ATRIP: variants seen among roughly 807,000 people sequenced by gnomAD.
The protein encoded by ATRIP is ATR interacting protein.
Under a neutral mutation model 78.1 loss-of-function variants are expected in ATRIP, and 44 were observed. The observed-to-expected ratio is 0.56, with a 90% CI of 0.44 to 0.72. The LOEUF is 0.72. Among genes scored for constraint, ATRIP ranks in the 30% least tolerant of loss-of-function variants. ATRIP has a pLI of 0.00. For missense variants in ATRIP, 927 were observed against 980.2 expected (o/e 0.95, Z 0.72); for synonymous variants, 388 against 408.9 (o/e 0.95, Z 0.62).
rs745842797 is a variant in ATRIP at position 48,460,708 on chromosome 3, G to T, written c.1654G>T (p.Ala552Ser). 1 of 1,613,956 alleles carries T rather than the reference G, an allele frequency of 6.2e-7. No individual in the cohort carries two copies. The highest frequency in any genetic ancestry group is 1.3e-5 in the African/African-American group (1 of 74,932). ...TCACCTGTTGGCTTTCTCTTCTGCA[G>T]CAACAGGTCACCTTCAAGCCAGTGT... ...LLHLLAFSSA[A>S]TGHLQASVLT... Residue 552 changes from alanine to serine, a missense_variant, in exon 8 of 13, where the codon GCA becomes TCA. Physicochemically the swap from Ala to Ser is moderately conservative, Grantham distance 99. Transcript: ENST00000320211.
chr3:48,463,048 G>C (rs1204707716), intron 8 of ATRIP, among the ~76,000 whole-genome samples: 1 of 152,212 alleles, frequency 6.6e-6, no homozygotes, highest in East Asian at 1.9e-4. Flanking sequence ...CACCTGGCCA[G>C]ACCCCATAGA....
chr3:48,466,441 C>T lies in ATRIP; in HGVS notation c.*887C>T, dbSNP rs777555754. The T allele has an allele frequency of 2.5e-6, 4 of 1,612,424 alleles. No homozygotes were observed. The South Asian group carries it at 3.3e-5, about 13-fold the overall frequency. ...AGACCCTCTCAGACAGTCGAATGTGCTGGTCCCACTAAGGAAACCACCTCA... is the reference window on the plus strand; with the variant it reads ...AGACCCTCTCAGACAGTCGAATGTGTTGGTCCCACTAAGGAAACCACCTCA... On this transcript the variant is annotated 3_prime_UTR_variant, in exon 13 of 13. Transcript: ENST00000320211.
chr3:48,464,085 C>T lies in ATRIP; in HGVS notation c.1927C>T (p.Pro643Ser). 6.2e-7 allele frequency: 1 copy of T among 1,613,866 alleles called. No individual in the cohort carries two copies. The highest frequency in any genetic ancestry group is 1.3e-5 in the African/African-American group (1 of 75,032). The change falls in exon 10 of 13, where the codon CCT (proline) becomes TCT (serine). Residue 643 changes from proline (P) to serine (S), a missense_variant. By Grantham distance (74) the Pro-to-Ser change is moderately conservative. Transcript: ENST00000320211. Reference sequence around the variant, plus strand: ...GCTGTACATGTACATCACATCACGGCCTGACAGAGTGGCCTTGGAGACACA... The same window carrying T: ...GCTGTACATGTACATCACATCACGGTCTGACAGAGTGGCCTTGGAGACACA... ...LLLYMYITSR[P>S]DRVALETQWL... is the part of the protein sequence containing the mutation.
At chr3:48,452,314 A>T (rs994709039) in intron 3 of ATRIP, among the ~76,000 whole-genome samples, 1 of 152,146 alleles carries the variant, frequency 6.6e-6, no homozygotes, top group Non-Finnish European at 1.5e-5. Flanking sequence ...CTATGCTATA[A>T]ACAGGCTCTA....
In ATRIP at chr3:48,466,881, GCCTGCAGC is replaced by G. The variant is rs1331920811; in HGVS notation, c.*1337_*1344del. The G allele has an allele frequency of 3.7e-6, 6 of 1,613,016 alleles. No homozygotes were observed. Among genetic ancestry groups the G allele is most frequent in the Non-Finnish European group, 5.1e-6 (6 of 1,180,024 alleles). ...CTCCCTGTGTGTGGCTCCGGGGAAG[GCCTGCAGC>G]CCTGCAGCCAGCGAGATCACAGGTC... On this transcript the variant is annotated 3_prime_UTR_variant, in exon 13 of 13. Transcript: ENST00000320211.
At chr3:48,451,120 T>C (rs1575275314) in intron 2 of ATRIP, among the ~76,000 whole-genome samples, 1 of 149,360 alleles carries the variant, frequency 6.7e-6, no homozygotes, top group Non-Finnish European at 1.5e-5. Context: ...ACCTGGGAGG[T>C]GAAGGTTGCA....
At chr3:48,457,780 C>T (rs1054620922) in intron 5 of ATRIP, among the ~76,000 whole-genome samples, 11 of 152,324 alleles carry the variant, frequency 7.2e-5, no homozygotes, top group African/African-American at 2.4e-4. Flanking sequence ...ATCCCCTCTG[C>T]CACATTGTAT....
chr3:48,450,668 C>T, intron 2 of ATRIP: 1 of 621,350 alleles, frequency 1.6e-6, no homozygotes, highest in Non-Finnish European at 2.4e-6. Context: ...CTCACTTCAA[C>T]CTCTGCCTCC....
At chr3:48,449,863 A>G (rs908205280) in intron 1 of ATRIP, among the ~76,000 whole-genome samples, 174 bp from the exon 2 acceptor site, 2 of 150,956 alleles carry the variant, frequency 1.3e-5, no homozygotes, top group Non-Finnish European at 3.0e-5. Flanking sequence ...ACTTGAACCC[A>G]GGAGGTCAAG....
intron 1 of ATRIP, among the ~76,000 whole-genome samples, chr3:48,448,152 G>A (rs966146041): frequency 4.1e-5 from 6 of 145,068 alleles, no homozygotes; most frequent in Non-Finnish European, 8.9e-5. Flanking sequence ...ACAGATATAC[G>A]TGAACACCCT....
chr3:48,465,764 C>A lies in ATRIP; in HGVS notation c.*210C>A. 1.8e-6 allele frequency: 1 copy of A among 543,444 alleles called. No homozygotes were observed. Among genetic ancestry groups the A allele is most frequent in the Non-Finnish European group, 3.3e-6 (1 of 301,128 alleles). The allele number at this position is 543,444 out of a possible 1,614,324, so 33.7% of individuals were successfully genotyped here. The stretch of plus-strand genomic sequence containing the variant: ...CTTCCTGTCCCTGGCTGTTGCTGAG[C>A]CCGTCCCCATGGTAACTGATCTGCC... On this transcript the variant is annotated 3_prime_UTR_variant, in exon 13 of 13. Transcript: ENST00000320211.
intron 1 of ATRIP, 35 bp downstream of exon 1, chr3:48,447,127 G>C: frequency 6.9e-7 from 1 of 1,456,510 alleles, no homozygotes; most frequent in Non-Finnish European, 9.1e-7. Flanking sequence ...CTCGGAGGGA[G>C]TTGTCAACCG....
chr3:48,466,061 C>T lies in ATRIP; in HGVS notation c.*507C>T. On this transcript the variant is annotated 3_prime_UTR_variant, in exon 13 of 13. Transcript: ENST00000320211. ...GGTATGATGGCCCCGGTGCATTGTG[C>T]CACCAGCAGGCCACAGCTGTGGATC... 1 of 339,830 alleles carries T rather than the reference C, an allele frequency of 2.9e-6. No homozygotes were observed. The highest frequency in any genetic ancestry group is 5.7e-6 in the Non-Finnish European group (1 of 175,546). The allele number at this position is 339,830 out of a possible 1,614,324, so 21.1% of individuals were successfully genotyped here.
At chr3:48,460,840 A>C in intron 8 of ATRIP, 41 bp downstream of exon 8, 6 of 1,532,496 alleles carry the variant, frequency 3.9e-6, no homozygotes, top group Non-Finnish European at 5.3e-6. Context: ...TGTGGGTCTC[A>C]CCTGACCTCT....
rs2039682304 is a variant in ATRIP, at chr3:48,446,787, G to C, written c.-59G>C. Reference sequence around the variant, plus strand: ...GCGCGGACGGTTGGTCCAGTTCTCCGGCCTGGCGGCAGGCAAGTCTAGCTC... The same window carrying C: ...GCGCGGACGGTTGGTCCAGTTCTCCCGCCTGGCGGCAGGCAAGTCTAGCTC... On this transcript the variant is annotated 5_prime_UTR_variant, in exon 1 of 13. Transcript: ENST00000320211. 6.6e-6 allele frequency: 9 copies of C among 1,354,878 alleles called. No homozygotes were observed. Among genetic ancestry groups the C allele is most frequent in the African/African-American group, 1.5e-5 (1 of 66,270 alleles). The allele number at this position is 1,354,878 out of a possible 1,614,324, so 83.9% of individuals were successfully genotyped here. A position where few individuals can be genotyped will look rare whatever the true frequency, so the allele number is the denominator to read the frequency against.
intron 3 of ATRIP, among the ~76,000 whole-genome samples, chr3:48,454,021 A>G (rs902041099): frequency 6.6e-6 from 1 of 151,988 alleles, no homozygotes; most frequent in African/African-American, 2.4e-5. Flanking sequence ...CAACCTCCCA[A>G]AGTGCTTAGG....
chr3:48,466,120 G>C lies in ATRIP; in HGVS notation c.*566G>C, dbSNP rs1421938618. On this transcript the variant is annotated 3_prime_UTR_variant, in exon 13 of 13. Transcript: ENST00000320211. ...CCTCTGGGGTCCCCCGGGAGCAGGG[G>C]AGTGGGTGTGGGGGGGAACGGATGG... The C allele has an allele frequency of 1.2e-5, 5 of 408,678 alleles. No individual in the cohort carries two copies. Among genetic ancestry groups the C allele is most frequent in the African/African-American group, 1.0e-4 (5 of 49,104 alleles). The allele number at this position is 408,678 out of a possible 1,614,324, so 25.3% of individuals were successfully genotyped here.
chr3:48,466,367 C>T lies in ATRIP; in HGVS notation c.*813C>T. The T allele has an allele frequency of 7.3e-7, 1 of 1,368,674 alleles. No homozygotes were observed. The highest frequency in any genetic ancestry group is 1.0e-6 in the Non-Finnish European group (1 of 976,594). The allele number at this position is 1,368,674 out of a possible 1,614,324, so 84.8% of individuals were successfully genotyped here. A position where few individuals can be genotyped will look rare whatever the true frequency, so the allele number is the denominator to read the frequency against. ...GGCAGGAGGGCCATGGGTTCCCCCA[C>T]CCCAGACTAAGGGGGCACTAGGGGA... is the stretch of plus-strand genomic sequence containing the variant. On this transcript the variant is annotated 3_prime_UTR_variant, in exon 13 of 13. Coordinates refer to ENST00000320211, the MANE Select transcript of ATRIP (RefSeq NM_130384.3).
At position 48,466,404 on chromosome 3, in the gene ATRIP, A is replaced by C; in HGVS notation, c.*850A>C. 4.4e-6 allele frequency: 7 copies of C among 1,587,798 alleles called. No individual in the cohort carries two copies. Among genetic ancestry groups the C allele is most frequent in the Non-Finnish European group, 6.0e-6 (7 of 1,160,096 alleles). The stretch of plus-strand genomic sequence containing the variant: ...GGGGCACTAGGGGAGGGGCCGAGTC[A>C]TGTGAAGAGGGAGACCCTCTCAGAC... On this transcript the variant is annotated 3_prime_UTR_variant, in exon 13 of 13. Coordinates refer to ENST00000320211, the MANE Select transcript of ATRIP (RefSeq NM_130384.3).
Sources: allele counts gnomAD v4.1 joint callset (sites outside exome capture counted in the v4.1 genomes callset), GRCh38; gene constraint gnomAD v4.1.1; transcripts MANE v1.5; gene names NCBI Gene and HGNC (gene_info 2026-07-23, HGNC 2026-07-21).